TBCA: variants seen among roughly 807,000 people sequenced by gnomAD.
TBCA encodes tubulin-specific chaperone A.
Under a neutral mutation model 15.8 loss-of-function variants are expected in TBCA, and 6 were observed. The ratio of observed to expected loss-of-function variants is 0.38; its 90% confidence interval spans 0.21 to 0.75. TBCA has a LOEUF of 0.75. Among genes scored for constraint, TBCA ranks in the 30% least tolerant of loss-of-function variants. The pLI, the probability that TBCA is intolerant of heterozygous loss-of-function variation, is 0.46. For synonymous variants in TBCA, 32 were observed against 42.3 expected, an observed-to-expected ratio of 0.76 and a Z score of 0.94; for missense variants, 90 against 131.2, an observed-to-expected ratio of 0.69 and a Z score of 1.53.
chr5:77,733,795 G>C (rs537485075), intron 1 of TBCA, among the ~76,000 whole-genome samples: 6 of 152,308 alleles, frequency 3.9e-5, no homozygotes, highest in African/African-American at 1.4e-4. Flanking sequence ...CAACATGAAC[G>C]AAACAGCTTT....
chr5:77,710,291 C>T (rs78124274), intron 1 of TBCA, among the ~76,000 whole-genome samples: 2,523 of 152,142 alleles, frequency 0.017, 69 homozygotes, highest in African/African-American at 0.057. Context: ...ATGTCAGATA[C>T]AGAAATCTGC....
chr5:77,705,242 T>A (rs1325424927), intron 2 of TBCA, among the ~76,000 whole-genome samples: 1 of 152,104 alleles, frequency 6.6e-6, no homozygotes, highest in Non-Finnish European at 1.5e-5. Context: ...TAACTCCTAT[T>A]TTAGCTATAG....
At chr5:77,698,382 T>C (rs1163692173) in intron 2 of TBCA, among the ~76,000 whole-genome samples, 1 of 152,212 alleles carries the variant, frequency 6.6e-6, no homozygotes, top group African/African-American at 2.4e-5. Flanking sequence ...CCTCAAAAAC[T>C]ACCAACTACC....
chr5:77,703,538 A>T lies in TBCA; in HGVS notation c.159+4704T>A, dbSNP rs547536631. Among the ~76,000 whole-genome samples the T allele has an allele frequency of 2.6e-5, 4 of 152,290 alleles. No homozygotes were observed. In the South Asian group the frequency reaches 8.3e-4, roughly 32 times the overall value. On this transcript the variant is annotated intron_variant, in intron 2 of 3. Coordinates refer to ENST00000380377, the MANE Select transcript of TBCA (RefSeq NM_004607.3). ...AATTGACTGATATTCTAGCCTCCTG[A>T]AAACTTTTACCTAGTTGCTTATTTT...
intron 1 of TBCA, among the ~76,000 whole-genome samples, chr5:77,728,702 G>C (rs1168546844): frequency 6.6e-6 from 1 of 152,000 alleles, no homozygotes; most frequent in Non-Finnish European, 1.5e-5. Flanking sequence ...TTTTTACAAA[G>C]CAAATTTTAA....
At chr5:77,743,396 A>C (rs1482014462) in intron 1 of TBCA, among the ~76,000 whole-genome samples, 1 of 152,248 alleles carries the variant, frequency 6.6e-6, no homozygotes, top group African/African-American at 2.4e-5. Context: ...GCAAATATCC[A>C]TGAGAACAGA....
intron 2 of TBCA, among the ~76,000 whole-genome samples, chr5:77,699,558 C>T (rs1214713459): frequency 6.6e-6 from 1 of 152,132 alleles, no homozygotes; most frequent in African/African-American, 2.4e-5. Context: ...TCAAACCAAA[C>T]CTAACACTTT....
At position 77,770,079 on chromosome 5, in the gene TBCA, T is replaced by C. The variant is rs139618134; in HGVS notation, c.53+6126A>G. On this transcript the variant is annotated intron_variant, in intron 1 of 3. Transcript: ENST00000380377. ...AAGTTAAATAACCTTTTATGTTAAA[T>C]GATTGTGAGTGTTTTTTACTTGCAG... Among the ~76,000 whole-genome samples the C allele has an allele frequency of 8.5e-5, 13 of 152,344 alleles. No homozygotes were observed. In the East Asian group the frequency reaches 1.9e-3, roughly 23 times the overall value.
Position 77,776,149 on chromosome 5 carries a change from C to T in TBCA, c.53+56G>A, listed in dbSNP as rs116221516. ...CGGGCCTGCGCTCCGCTCAGCCTCG[C>T]GGGCCGCCATGAGGTGACGAAGAGG... On this transcript the variant is annotated intron_variant, in intron 1 of 3. Coordinates refer to ENST00000380377, the MANE Select transcript of TBCA (RefSeq NM_004607.3). 2.2e-3 allele frequency: 3,438 copies of T among 1,545,694 alleles called. 72 individuals carry two copies. The African/African-American group carries it at 0.042, about 19-fold the overall frequency.
At chr5:77,707,850 G>T (rs1465508658) in intron 2 of TBCA, among the ~76,000 whole-genome samples, 2 of 152,274 alleles carry the variant, frequency 1.3e-5, no homozygotes, top group East Asian at 3.9e-4. Flanking sequence ...GAGCCAGAAT[G>T]CCTGTGTTCA....
At chr5:77,706,810 T>TTA (rs1746160478) in intron 2 of TBCA, among the ~76,000 whole-genome samples, 1 of 108,446 alleles carries the variant, frequency 9.2e-6, no homozygotes, top group South Asian at 3.3e-4. Flanking sequence ...GACTCCATCT[T>TTA]AAAAAAAAAA....
chr5:77,745,550 G>A (rs1220301904), intron 1 of TBCA, among the ~76,000 whole-genome samples: 1 of 152,166 alleles, frequency 6.6e-6, no homozygotes, highest in African/African-American at 2.4e-5. Flanking sequence ...TGATATTAAG[G>A]AATGTTAAGC....
intron 2 of TBCA, among the ~76,000 whole-genome samples, chr5:77,697,615 G>A (rs940278257): frequency 6.6e-6 from 1 of 152,040 alleles, no homozygotes; most frequent in Non-Finnish European, 1.5e-5. Context: ...CTAAAGCAGT[G>A]TCTGTTGGGA....
chr5:77,769,831 G>A (rs1398110514), intron 1 of TBCA, among the ~76,000 whole-genome samples: 1 of 152,130 alleles, frequency 6.6e-6, no homozygotes, highest in Admixed American at 6.6e-5. Flanking sequence ...AATTGTCCTA[G>A]TCTCATTCTA....
At chr5:77,734,006 T>C (rs1439356774) in intron 1 of TBCA, among the ~76,000 whole-genome samples, 1 of 152,254 alleles carries the variant, frequency 6.6e-6, no homozygotes, top group African/African-American at 2.4e-5. Flanking sequence ...CCTCTGCCTG[T>C]GCTCTATAAA....
chr5:77,754,297 TTCCTGGTCCC>T (rs1747424104), intron 1 of TBCA, among the ~76,000 whole-genome samples: 1 of 152,234 alleles, frequency 6.6e-6, no homozygotes, highest in Non-Finnish European at 1.5e-5. Context: ...TCTCTCTTAC[TTCCTGGTCCC>T]TTTTACCTTG....
chr5:77,739,802 C>G (rs1746991832), intron 1 of TBCA, among the ~76,000 whole-genome samples: 1 of 152,112 alleles, frequency 6.6e-6, no homozygotes, highest in African/African-American at 2.4e-5. Flanking sequence ...AAAAAAGACA[C>G]TAAGGAATTC....
At chr5:77,725,540 C>T (rs992610734) in intron 1 of TBCA, among the ~76,000 whole-genome samples, 7 of 152,166 alleles carry the variant, frequency 4.6e-5, no homozygotes, top group East Asian at 1.9e-4. Flanking sequence ...TAATGATTCT[C>T]GCTAATAGTC....
chr5:77,716,243 A>G (rs1159748357), intron 1 of TBCA, among the ~76,000 whole-genome samples: 1 of 152,212 alleles, frequency 6.6e-6, no homozygotes, highest in Admixed American at 6.5e-5. Context: ...TGATACTACT[A>G]ATGAAATTAA....
Sources: gnomAD v4.1 joint callset for allele counts (sites outside exome capture counted in the v4.1 genomes callset) on GRCh38, gnomAD v4.1.1 for gene constraint, MANE v1.5 for transcripts, NCBI Gene and HGNC (gene_info 2026-07-23, HGNC 2026-07-21) for gene names.